KLHL11: variants seen among roughly 807,000 people sequenced by gnomAD.
KLHL11 encodes kelch like family member 11, also known as kelch-like protein 11.
Under a neutral mutation model 56.1 loss-of-function variants are expected in KLHL11, and 26 were observed. The ratio of observed to expected loss-of-function variants is 0.46; its 90% CI spans 0.34 to 0.64. KLHL11 has a LOEUF of 0.64. Among genes scored for constraint, KLHL11 ranks in the 30% least tolerant of loss-of-function variants. The pLI, the probability that KLHL11 is intolerant of heterozygous loss-of-function variation, is 0.01. For missense variants in KLHL11, 627 were observed against 919.4 expected, an observed-to-expected ratio of 0.68 and a Z score of 4.11; for synonymous variants, 338 against 345.8, an observed-to-expected ratio of 0.98 and a Z score of 0.25.
At chr17:41,862,452 T>TTA (rs139321002) in intron 1 of KLHL11, among the ~76,000 whole-genome samples, 3 of 151,260 alleles carry the variant, frequency 2.0e-5, no homozygotes, top group Non-Finnish European at 4.4e-5. Flanking sequence ...TTTTTTTTTT[T>TTA]TGTATTTTTA....
At chr17:41,856,256 C>T (rs1315255944) in intron 1 of KLHL11, among the ~76,000 whole-genome samples, 2 of 152,210 alleles carry the variant, frequency 1.3e-5, no homozygotes, top group Non-Finnish European at 2.9e-5. Context: ...TCTCAAAGTG[C>T]TGAGATTACA....
Position 41,849,719 on chromosome 17 carries a change from T to A in KLHL11, c.*4021A>T, listed in dbSNP as rs2048321811. ...GCAAAAGCAAAGTTGAACATCATGA[T>A]ACACAAGACTAATCATGCAAACAAC... On this transcript the variant is annotated 3_prime_UTR_variant, in exon 2 of 2. Transcript: ENST00000319121. 2 of 152,198 alleles carry A rather than the reference T, an allele frequency of 1.3e-5. No homozygotes were observed. Among genetic ancestry groups the A allele is most frequent in the Non-Finnish European group, 2.9e-5 (2 of 68,030 alleles). 9.4% of individuals were successfully genotyped at this position (152,198 alleles called of 1,614,324 possible).
intron 1 of KLHL11, among the ~76,000 whole-genome samples, chr17:41,863,949 G>A (rs560962927): frequency 2.9e-4 from 44 of 152,258 alleles, no homozygotes; most frequent in African/African-American, 1.0e-3. Context: ...TCATCCAACA[G>A]GCTATACATT....
rs782236395 is a variant in KLHL11, at chr17:41,865,116, G to C, written c.255C>G (p.Asn85Lys). The change falls in exon 1 of 2, where the codon AAC becomes AAG. Residue 85 changes from asparagine (N) to lysine (K), a missense_variant. Transcript: ENST00000319121. ...SHCSELSWRQ[N>K]EQRRQGLFCD... ...AGAAGAGGCCCTGGCGCCGCTGCTC[G>C]TTCTGCCGCCAGGACAGCTCTGAGC... 2 of 1,606,094 alleles carry C rather than the reference G, an allele frequency of 1.2e-6. No individual in the cohort carries two copies. Among genetic ancestry groups the C allele is most frequent in the Admixed American group, 3.4e-5 (2 of 59,484 alleles).
rs1455879586 is a variant in KLHL11 at position 41,850,538 on chromosome 17, A to T, written c.*3202T>A. 1.3e-5 allele frequency: 2 copies of T among 152,234 alleles called. No individual in the cohort carries two copies. Among genetic ancestry groups the T allele is most frequent in the African/African-American group, 4.8e-5 (2 of 41,466 alleles). The allele number at this position is 152,234 out of a possible 1,614,324, so 9.4% of individuals were successfully genotyped here. A position where few individuals can be genotyped will look rare whatever the true frequency, so the allele number is the denominator to read the frequency against. On this transcript the variant is annotated 3_prime_UTR_variant, in exon 2 of 2. Coordinates refer to ENST00000319121, the MANE Select transcript of KLHL11 (RefSeq NM_018143.3). The stretch of plus-strand genomic sequence containing the variant: ...ACACATCACACCCTTCCAGTTAAAA[A>T]CTATTATCGTAGTGAGATACTAAAT...
Position 41,853,707 on chromosome 17 carries a change from T to C in KLHL11, c.*33A>G, listed in dbSNP as rs782529514. ...GGTATCTTCAGCTTCACGAAACGGG[T>C]GTAACAGTTTTAATCGGCACGCTTG... On this transcript the variant is annotated 3_prime_UTR_variant, in exon 2 of 2. Coordinates refer to ENST00000319121, the MANE Select transcript of KLHL11 (RefSeq NM_018143.3). 2.5e-6 allele frequency: 4 copies of C among 1,572,088 alleles called. No individual in the cohort carries two copies. The highest frequency in any genetic ancestry group is 3.5e-6 in the Non-Finnish European group (4 of 1,157,286).
chr17:41,848,805 A>C lies in KLHL11; in HGVS notation c.*4935T>G, dbSNP rs2048315588. The C allele has an allele frequency of 6.3e-6, 1 of 157,858 alleles. No individual in the cohort carries two copies. The highest frequency in any genetic ancestry group is 1.8e-4 in the East Asian group (1 of 5,432). The allele number at this position is 157,858 out of a possible 1,614,324, so 9.8% of individuals were successfully genotyped here. A position where few individuals can be genotyped will look rare whatever the true frequency, so the allele number is the denominator to read the frequency against. ...AAGCACACGGATCATAAAATCTTCAAACACCTAGCAAGCACTACTTTTCAC... is the reference window on the plus strand; with the variant it reads ...AAGCACACGGATCATAAAATCTTCACACACCTAGCAAGCACTACTTTTCAC... On this transcript the variant is annotated 3_prime_UTR_variant, in exon 2 of 2. Transcript: ENST00000319121.
intron 1 of KLHL11, among the ~76,000 whole-genome samples, chr17:41,859,172 T>C (rs9912010): frequency 0.9 from 137,549 of 152,116 alleles, 62,326 homozygotes; most frequent in East Asian, 1. Flanking sequence ...TTGTCCTGAA[T>C]TGGGTTCTCA....
chr17:41,864,053 T>A (rs782349908), intron 1 of KLHL11, among the ~76,000 whole-genome samples: 3 of 152,210 alleles, frequency 2.0e-5, no homozygotes. Context: ...CACCTTAGAA[T>A]CCCGCATCTG....
In KLHL11 at chr17:41,864,802, C is replaced by T. The variant is rs531969979; in HGVS notation, c.545+24G>A. 6.1e-6 allele frequency: 9 copies of T among 1,483,728 alleles called. No individual in the cohort carries two copies. The African/African-American group carries it at 1.2e-4, about 19-fold the overall frequency. 91.9% of individuals were successfully genotyped at this position (1,483,728 alleles called of 1,614,324 possible). A position where few individuals can be genotyped will look rare whatever the true frequency, so the allele number is the denominator to read the frequency against. On this transcript the variant is annotated intron_variant, in intron 1 of 1. Transcript: ENST00000319121. ...CCCCCTCTCCGCGCCCGCCGCCCTC[C>T]GCGCTCCCGCCTCCCTCGCCTACCT...
In KLHL11 at chr17:41,852,612, G is replaced by A. The variant is rs904481567; in HGVS notation, c.*1128C>T. 1.3e-5 allele frequency among the ~76,000 whole-genome samples: 2 copies of A among 151,902 alleles called. No individual in the cohort carries two copies. The highest frequency in any genetic ancestry group is 3.9e-4 in the East Asian group (2 of 5,154). On this transcript the variant is annotated 3_prime_UTR_variant, in exon 2 of 2. Transcript: ENST00000319121. ...TCAAGACCAGCCTGGTCAACATGGT[G>A]AAACCCTGTCTCTACTAAAAGCACA...
chr17:41,858,090 T>A (rs2048377474), intron 1 of KLHL11, among the ~76,000 whole-genome samples: 1 of 152,100 alleles, frequency 6.6e-6, no homozygotes, highest in African/African-American at 2.4e-5. Flanking sequence ...AGTGCTGGGG[T>A]TACAGGCGTG....
At position 41,855,218 on chromosome 17, in the gene KLHL11, G is replaced by C. The variant is rs1380407714; in HGVS notation, c.649C>G (p.Leu217Val). 2.5e-6 allele frequency: 4 copies of C among 1,613,878 alleles called. No homozygotes were observed. The highest frequency in any genetic ancestry group is 3.4e-6 in the Non-Finnish European group (4 of 1,179,988). The change falls in exon 2 of 2, where the codon CTG (leucine) becomes GTG (valine). Residue 217 changes from leucine to valine, a missense_variant. Leu to Val is a conservative substitution (Grantham distance 32, BLOSUM62 1). Transcript: ENST00000319121. ...GCAGCCTTCAGAGCAAGTTGGCTCA[G>C]GGTGTACATGTGTGCTAAGCTATGA... ...AIHSLAHMYT[L>V]SQLALKAADM...
chr17:41,865,040 G>A lies in KLHL11; in HGVS notation c.331C>T (p.His111Tyr), dbSNP rs1555623398. 6.3e-7 allele frequency: 1 copy of A among 1,587,712 alleles called. No individual in the cohort carries two copies. ...GTGGCGGCAGCCAGTACCGAGCGGT[G>A]GGCCCGGAACTCGCGGCCTCCAGCC... Reference protein sequence around the residue: ...GGAGGREFRAHRSVLAAATEY... With the variant: ...GGAGGREFRAYRSVLAAATEY... Residue 111 changes from histidine to tyrosine, a missense_variant, in exon 1 of 2, where the codon CAC becomes TAC. This residue lies in a region of KLHL11 where 150 missense variants were observed against 215.7 expected (regional missense o/e 0.70). Coordinates refer to ENST00000319121, the MANE Select transcript of KLHL11 (RefSeq NM_018143.3).
intron 1 of KLHL11, among the ~76,000 whole-genome samples, chr17:41,864,066 C>T (rs532861459): frequency 6.6e-6 from 1 of 152,326 alleles, no homozygotes. Flanking sequence ...CGCATCTGAG[C>T]TGATGCGTAA....
intron 1 of KLHL11, among the ~76,000 whole-genome samples, 170 bp downstream of exon 1, chr17:41,864,656 C>T (rs1165656623): frequency 6.6e-6 from 1 of 152,256 alleles, no homozygotes; most frequent in Admixed American, 6.5e-5. Flanking sequence ...GGTGCATCCT[C>T]CTCGCCCACC....
intron 1 of KLHL11, among the ~76,000 whole-genome samples, chr17:41,864,549 C>T (rs1175915405): frequency 6.6e-6 from 1 of 152,256 alleles, no homozygotes; most frequent in Non-Finnish European, 1.5e-5. Context: ...AACGTCAGCA[C>T]AACAGTTACC....
At chr17:41,860,507 G>A (rs1273404172) in intron 1 of KLHL11, among the ~76,000 whole-genome samples, 4 of 152,102 alleles carry the variant, frequency 2.6e-5, no homozygotes, top group Non-Finnish European at 5.9e-5. Flanking sequence ...CTTAGCTGCT[G>A]ACAGATGGAG....
At chr17:41,864,795 C>A in intron 1 of KLHL11, 31 bp downstream of exon 1, 1 of 1,484,948 alleles carries the variant, frequency 6.7e-7, no homozygotes. Context: ...CCGCGCCCGC[C>A]GCCCTCCGCG....
Sources: gnomAD v4.1 joint callset for allele counts (sites outside exome capture counted in the v4.1 genomes callset) on GRCh38, gnomAD v4.1.1 for gene constraint, gnomAD v4.1.1 regional missense constraint, MANE v1.5 for transcripts, NCBI Gene and HGNC (gene_info 2026-07-23, HGNC 2026-07-21) for gene names.